The following PTPRQ variants were observed in gnomAD, a reference collection of about 807,000 sequenced individuals.
The protein encoded by PTPRQ is protein tyrosine phosphatase receptor type Q, also known as phosphatidylinositol phosphatase PTPRQ.
A neutral mutation model predicts 246.0 loss-of-function variants in PTPRQ; 199 were observed. The observed-to-expected ratio is 0.81, with a 90% CI of 0.72 to 0.91. The LOEUF (loss-of-function observed/expected upper bound fraction) is 0.91, where lower values mean the gene tolerates loss of function less well. PTPRQ is among the 40% of genes least tolerant of loss of function. PTPRQ has a pLI of 0.00. For synonymous variants in PTPRQ, 869 were observed against 853.2 expected (o/e 1.02, Z -0.32); for missense variants, 2,624 against 2,528.4 (o/e 1.04, Z -0.81).
intron 24 of PTPRQ, among the ~76,000 whole-genome samples, chr12:80,547,495 A>G (rs1302910238): frequency 6.6e-6 from 1 of 152,140 alleles, no homozygotes; most frequent in Admixed American, 6.6e-5. Flanking sequence ...ATTGTAGACC[A>G]CTGACTACTA....
rs116142015 is a variant in PTPRQ, at chr12:80,498,803, C to T, written c.2272+2272C>T. On this transcript the variant is annotated intron_variant, in intron 14 of 44. Transcript: ENST00000644991. Reference sequence around the variant, plus strand: ...TTATCAAGTATTTCGTTTAAGTGGCCATAGCATCAAGAACACCTTATTTTA... The same window carrying T: ...TTATCAAGTATTTCGTTTAAGTGGCTATAGCATCAAGAACACCTTATTTTA... 7.5e-3 allele frequency among the ~76,000 whole-genome samples: 1,134 copies of T among 152,012 alleles called. 14 individuals are homozygous for T. The highest frequency in any genetic ancestry group is 0.026 in the African/African-American group (1,079 of 41,500).
chr12:80,447,637 C>T (rs1892593729), intron 3 of PTPRQ, among the ~76,000 whole-genome samples: 2 of 150,976 alleles, frequency 1.3e-5, no homozygotes, highest in Non-Finnish European at 1.5e-5. Context: ...GTTTCCCCAG[C>T]ACCATTTATT....
At chr12:80,620,071 C>T in intron 31 of PTPRQ, 83 bp from the exon 32 acceptor site, 2 of 1,431,638 alleles carry the variant, frequency 1.4e-6, no homozygotes, top group Non-Finnish European at 1.8e-6. Flanking sequence ...TCCCCTTATA[C>T]AATTATAAAA....
rs1447464277 is a variant in PTPRQ, at chr12:80,484,463, C to A, written c.1217C>A (p.Ala406Glu). The stretch of plus-strand genomic sequence containing the variant: ...GGGGCAGTGTTTGATTTACAACTTG[C>A]AGAGGTAGAATCCACGCAAGTAAGA... ...VPGAVFDLQL[A>E]EVESTQVRIT... Residue 406 changes from alanine (A) to glutamate (E), a missense_variant, in exon 9 of 45, where the codon GCA (alanine) becomes GAA (glutamate). Physicochemically the swap from Ala to Glu is moderately radical, Grantham distance 107. Coordinates refer to ENST00000644991, the MANE Select transcript of PTPRQ (RefSeq NM_001145026.2). The A allele has an allele frequency of 2.6e-6, 4 of 1,549,916 alleles. No individual in the cohort carries two copies. The Admixed American group carries it at 7.9e-5, about 31-fold the overall frequency.
chr12:80,587,424 T>C (rs560677895), intron 25 of PTPRQ, among the ~76,000 whole-genome samples: 41 of 152,268 alleles, frequency 2.7e-4, no homozygotes, highest in African/African-American at 7.0e-4. Context: ...AACCATAACA[T>C]GTGTATATTA....
intron 17 of PTPRQ, among the ~76,000 whole-genome samples, chr12:80,532,330 C>T (rs1895868062): frequency 6.6e-6 from 1 of 152,010 alleles, no homozygotes; most frequent in African/African-American, 2.4e-5. Flanking sequence ...TCAAGCAATT[C>T]TCGTGCCTCA....
At chr12:80,499,654 G>A (rs1443543610) in intron 14 of PTPRQ, among the ~76,000 whole-genome samples, 1 of 151,870 alleles carries the variant, frequency 6.6e-6, no homozygotes, top group Non-Finnish European at 1.5e-5. Context: ...TTAAAAATAG[G>A]AGTAAGTTAT....
chr12:80,466,773 A>G (rs1893433699), intron 6 of PTPRQ, among the ~76,000 whole-genome samples: 1 of 152,180 alleles, frequency 6.6e-6, no homozygotes, highest in Non-Finnish European at 1.5e-5. Context: ...TCCCTATTTA[A>G]TAAATGGTGC....
chr12:80,651,131 A>G (rs1900244926), intron 37 of PTPRQ, among the ~76,000 whole-genome samples: 1 of 152,058 alleles, frequency 6.6e-6, no homozygotes, highest in South Asian at 2.1e-4. Context: ...TCTTTGCCTC[A>G]ATATCTTCAT....
intron 41 of PTPRQ, among the ~76,000 whole-genome samples, chr12:80,669,679 A>G (rs1900906802): frequency 6.6e-6 from 1 of 152,054 alleles, no homozygotes; most frequent in African/African-American, 2.4e-5. Flanking sequence ...TAAAGTCTGT[A>G]TTAACCAATT....
Position 80,496,476 on chromosome 12 carries a change from A to G in PTPRQ, c.2217A>G (p.Arg739=), listed in dbSNP as rs1894627210. 2 of 1,550,280 alleles carry G rather than the reference A, an allele frequency of 1.3e-6. No homozygotes were observed. The highest frequency in any genetic ancestry group is 4.9e-5 in the East Asian group (2 of 40,868). ...ACATTTCTGTAAGGTCTTACACCAG[A>G]TTTGGTCATGGCAATCAGGTATCTT... ...LYNISVRSYT[R]FGHGNQVSSL... Residue 739 remains arginine, a synonymous_variant, in exon 14 of 45, where the codon AGA becomes AGG. Transcript: ENST00000644991.
In PTPRQ at chr12:80,454,484, G is replaced by T. The variant is rs182409675; in HGVS notation, c.391-3091G>T. 2.0e-4 allele frequency: 142 copies of T among 702,146 alleles called. 1 individual carries two copies. Among genetic ancestry groups the T allele is most frequent in the African/African-American group, 1.6e-3 (92 of 57,236 alleles). 43.5% of individuals were successfully genotyped at this position (702,146 alleles called of 1,614,324 possible). The stretch of plus-strand genomic sequence containing the variant: ...TTCTTTCTCTTGCTTGATCGCTCTG[G>T]CTAGGCCTTCCAGTACTGTGTTCAA... On this transcript the variant is annotated intron_variant, in intron 3 of 44. Coordinates refer to ENST00000644991, the MANE Select transcript of PTPRQ (RefSeq NM_001145026.2).
chr12:80,593,756 A>G (rs546636132), intron 26 of PTPRQ: 2 of 152,214 alleles, frequency 1.3e-5, no homozygotes, highest in African/African-American at 4.8e-5. Flanking sequence ...TGGTGTGTGT[A>G]TATATGTGGT....
intron 24 of PTPRQ, among the ~76,000 whole-genome samples, chr12:80,547,321 T>C (rs1398462935): frequency 6.6e-6 from 1 of 152,184 alleles, no homozygotes; most frequent in Non-Finnish European, 1.5e-5. Context: ...AATGTACTTT[T>C]CCTTTTCTCA....
chr12:80,564,082 T>C (rs997669483), intron 25 of PTPRQ, among the ~76,000 whole-genome samples: 6 of 151,918 alleles, frequency 3.9e-5, no homozygotes, highest in Non-Finnish European at 8.8e-5. Flanking sequence ...AGATTTTTTT[T>C]CTTTTATTTA....
intron 4 of PTPRQ, among the ~76,000 whole-genome samples, chr12:80,458,656 A>T (rs1893051810): frequency 6.6e-6 from 1 of 151,960 alleles, no homozygotes; most frequent in Non-Finnish European, 1.5e-5. Flanking sequence ...TACACACTTT[A>T]CCATGAGGTT....
intron 17 of PTPRQ, among the ~76,000 whole-genome samples, chr12:80,520,939 G>A (rs1181587283): frequency 1.3e-5 from 2 of 151,844 alleles, no homozygotes; most frequent in African/African-American, 4.8e-5. Context: ...TCGCCACACT[G>A]ACTTCCACAA....
At chr12:80,635,132 C>T in intron 35 of PTPRQ, 59 bp downstream of exon 35, 2 of 1,509,558 alleles carry the variant, frequency 1.3e-6, no homozygotes, top group Non-Finnish European at 1.8e-6. Context: ...TGACCCTATT[C>T]TGACCTATGC....
chr12:80,527,856 G>A (rs1895734438), intron 17 of PTPRQ, among the ~76,000 whole-genome samples: 1 of 152,124 alleles, frequency 6.6e-6, no homozygotes, highest in South Asian at 2.1e-4. Flanking sequence ...CACTTTGGGA[G>A]GCCAAGGTGG....
Sources: allele counts gnomAD v4.1 joint callset (sites outside exome capture counted in the v4.1 genomes callset), GRCh38; gene constraint gnomAD v4.1.1; transcripts MANE v1.5; gene names NCBI Gene and HGNC (gene_info 2026-07-23, HGNC 2026-07-21).